The following PGCKA1 variants were observed in gnomAD, a reference collection of about 807,000 sequenced individuals.
The protein encoded by PGCKA1 is PDCD10 and GCKIII kinases associated 1.
At chr4:37,509,920 C>T in the PGCKA1 span, among the ~76,000 whole-genome samples, 1 of 147,882 alleles carries the variant, frequency 6.8e-6, no homozygotes, top group Non-Finnish European at 1.5e-5. Flanking sequence ...GCAGTACAGT[C>T]CAGCTTCGGC....
the PGCKA1 span, among the ~76,000 whole-genome samples, chr4:37,589,717 C>T: frequency 4.6e-5 from 7 of 152,258 alleles, no homozygotes; most frequent in East Asian, 3.9e-4. Flanking sequence ...CTGCAGCCTC[C>T]GCCTCCCAGG....
chr4:37,589,985 C>T, the PGCKA1 span: 627 of 860,696 alleles, frequency 7.3e-4, 5 homozygotes, highest in African/African-American at 9.4e-3. Flanking sequence ...GAAAAGTAAT[C>T]ACAGAAATTA....
At chr4:37,582,262 G>A in the PGCKA1 span, among the ~76,000 whole-genome samples, 1 of 152,142 alleles carries the variant, frequency 6.6e-6, no homozygotes, top group African/African-American at 2.4e-5. Flanking sequence ...AAAGGTGCTT[G>A]TTGGTGTAGA....
chr4:37,581,380 C>A, the PGCKA1 span, among the ~76,000 whole-genome samples: 4 of 152,302 alleles, frequency 2.6e-5, no homozygotes, highest in South Asian at 8.3e-4. This position sits in a 1 kb window ranked among gnomAD's most constrained non-coding sequence, Gnocchi z 4.4. Context: ...CTCAGAGTCT[C>A]ACCCAAGGCC....
At chr4:37,453,346 G>C in the PGCKA1 span, among the ~76,000 whole-genome samples, 1 of 152,114 alleles carries the variant, frequency 6.6e-6, no homozygotes, top group Non-Finnish European at 1.5e-5. Context: ...GGAACCAGGA[G>C]TTCATTGAAC....
At chr4:37,485,048 C>G in the PGCKA1 span, among the ~76,000 whole-genome samples, 1 of 152,152 alleles carries the variant, frequency 6.6e-6, no homozygotes, top group Non-Finnish European at 1.5e-5. Flanking sequence ...ATTTTATATT[C>G]TGTATTCTCC....
At chr4:37,590,992 A>C in the PGCKA1 span, 12 of 1,608,312 alleles carry the variant, frequency 7.5e-6, no homozygotes, top group Non-Finnish European at 1.0e-5. Context: ...TTTGGATGAG[A>C]CTGATTAGGG....
chr4:37,515,202 A>T, the PGCKA1 span, among the ~76,000 whole-genome samples: 1 of 152,042 alleles, frequency 6.6e-6, no homozygotes, highest in Non-Finnish European at 1.5e-5. Flanking sequence ...CCATATAAAG[A>T]TATAAGAAGA....
the PGCKA1 span, among the ~76,000 whole-genome samples, chr4:37,535,206 G>A: frequency 6.6e-6 from 1 of 152,296 alleles, no homozygotes; most frequent in Non-Finnish European, 1.5e-5. Flanking sequence ...AACTCCCAAA[G>A]TGTGACAGCG....
At chr4:37,503,905 TG>T in the PGCKA1 span, among the ~76,000 whole-genome samples, 1 of 152,232 alleles carries the variant, frequency 6.6e-6, no homozygotes, top group African/African-American at 2.4e-5. Context: ...TTCTGTGGGT[TG>T]TCTCTTCCCT....
chr4:37,587,891 C>T, the PGCKA1 span, among the ~76,000 whole-genome samples: 1 of 152,138 alleles, frequency 6.6e-6, no homozygotes, highest in African/African-American at 2.4e-5. Flanking sequence ...ATCGCTTGAA[C>T]CTGGGAGGCA....
the PGCKA1 span, among the ~76,000 whole-genome samples, chr4:37,454,740 G>A: frequency 6.6e-6 from 1 of 152,212 alleles, no homozygotes; most frequent in African/African-American, 2.4e-5. Flanking sequence ...CTGATGAGGC[G>A]AGATTTTCAC....
the PGCKA1 span, among the ~76,000 whole-genome samples, chr4:37,586,050 G>A: frequency 0.54 from 81,152 of 150,896 alleles, 23,910 homozygotes; most frequent in Non-Finnish European, 0.66. Context: ...TGGGGGGTGT[G>A]TTTTAATATG....
At chr4:37,548,569 C>T in the PGCKA1 span, among the ~76,000 whole-genome samples, 1 of 152,104 alleles carries the variant, frequency 6.6e-6, no homozygotes, top group East Asian at 1.9e-4. Flanking sequence ...TAAAATCTTA[C>T]CTTATGGTCA....
the PGCKA1 span, among the ~76,000 whole-genome samples, chr4:37,543,789 G>C: frequency 2.0e-5 from 3 of 151,682 alleles, no homozygotes; most frequent in African/African-American, 7.3e-5. Context: ...AGCCGAGATA[G>C]CGCCACTGCA....
the PGCKA1 span, among the ~76,000 whole-genome samples, chr4:37,545,005 A>G: frequency 0.036 from 5,491 of 151,644 alleles, 330 homozygotes; most frequent in African/African-American, 0.13. Flanking sequence ...ACAGGCATGT[A>G]CCACCACACC....
chr4:37,566,004 C>T, the PGCKA1 span, among the ~76,000 whole-genome samples: 1 of 152,164 alleles, frequency 6.6e-6, no homozygotes, highest in Non-Finnish European at 1.5e-5. Flanking sequence ...TCGGACTCCA[C>T]GTTCTTCAGT....
At chr4:37,573,972 G>A in the PGCKA1 span, among the ~76,000 whole-genome samples, 2 of 152,082 alleles carry the variant, frequency 1.3e-5, no homozygotes, top group South Asian at 4.1e-4. Flanking sequence ...GGTGGATCAC[G>A]AGGTCAGGAG....
chr4:37,531,450 T>A, the PGCKA1 span, among the ~76,000 whole-genome samples: 1 of 152,146 alleles, frequency 6.6e-6, no homozygotes, highest in Non-Finnish European at 1.5e-5. Context: ...GTCTGGGAAA[T>A]GCATTTGCCC....
Sources: allele counts gnomAD v4.1 joint callset (sites outside exome capture counted in the v4.1 genomes callset), GRCh38; gene constraint gnomAD v4.1.1; non-coding constraint Gnocchi (gnomAD v3.1); transcripts MANE v1.5; gene names NCBI Gene and HGNC (gene_info 2026-07-23, HGNC 2026-07-21).